Variants in KANK1 observed in about 807,000 individuals in gnomAD.
The protein encoded by KANK1 is KN motif and ankyrin repeat domain-containing protein 1.
In KANK1, 109 loss-of-function variants were observed where a neutral mutation model predicts 106.2. The observed-to-expected ratio is 1.03, with a 90% CI of 0.88 to 1.20. The LOEUF (loss-of-function observed/expected upper bound fraction) is 1.20, where lower values mean the gene tolerates loss of function less well. KANK1 is among the 50% of genes most tolerant of loss of function. The probability of loss-of-function intolerance (pLI) is 0.00; values close to 1 mark genes in which losing one functional copy is unlikely to be tolerated. For missense variants in KANK1, 2,399 were observed against 1,710.7 expected (o/e 1.40, Z -7.10); for synonymous variants, 873 against 652.2 (o/e 1.34, Z -5.16).
At chr9:598,996 G>T (rs1827025699) in intron 1 of KANK1, among the ~76,000 whole-genome samples, 1 of 147,432 alleles carries the variant, frequency 6.8e-6, no homozygotes, top group African/African-American at 2.5e-5. Flanking sequence ...TTTACTTTAT[G>T]AATGATTTGT....
chr9:726,685 C>T (rs1830743308), intron 3 of KANK1, among the ~76,000 whole-genome samples: 2 of 152,028 alleles, frequency 1.3e-5, no homozygotes, highest in South Asian at 2.1e-4. Flanking sequence ...TAAGGCCAGG[C>T]GTGGTGGCTC....
chr9:552,657 A>C (rs1209542096), intron 1 of KANK1, among the ~76,000 whole-genome samples: 2 of 152,202 alleles, frequency 1.3e-5, no homozygotes, highest in African/African-American at 4.8e-5. Context: ...TAATTCATCA[A>C]ATCACATTCT....
chr9:519,061 T>C (rs1427464702), intron 1 of KANK1, among the ~76,000 whole-genome samples: 1 of 151,550 alleles, frequency 6.6e-6, no homozygotes, highest in Non-Finnish European at 1.5e-5. Context: ...TGACTAATTT[T>C]GTATGTTTAA....
At chr9:665,981 G>T in intron 1 of KANK1, among the ~76,000 whole-genome samples, 1 of 151,986 alleles carries the variant, frequency 6.6e-6, no homozygotes, top group East Asian at 1.9e-4. Context: ...GGAGTTTGAG[G>T]CCAGCCTGGG....
intron 1 of KANK1, among the ~76,000 whole-genome samples, chr9:662,125 T>G (rs922213310): frequency 2.0e-5 from 3 of 152,108 alleles, no homozygotes; most frequent in Non-Finnish European, 4.4e-5. Flanking sequence ...ACAAGGGATG[T>G]GAAGGACCTC....
Position 646,973 on chromosome 9 carries a change from C to T in KANK1, c.-83-29917C>T, listed in dbSNP as rs561639245. On this transcript the variant is annotated intron_variant, in intron 1 of 11. Transcript: ENST00000382297. ...TCAGCCTCCCAAAGTATTGGGATTA[C>T]CGGCGTGAGCTACTATGCACACCCC... is the stretch of plus-strand genomic sequence containing the variant. Among the ~76,000 whole-genome samples the T allele has an allele frequency of 2.5e-4, 38 of 150,992 alleles. 1 individual carries two copies. The Middle Eastern group carries it at 0.01, about 41-fold the overall frequency.
intron 3 of KANK1, chr9:476,584 AC>A (rs759755880): frequency 1.3e-5 from 2 of 151,692 alleles, no homozygotes; most frequent in African/African-American, 4.8e-5. Context: ...GGGAAACCAA[AC>A]CCCCTGCTTC....
chr9:568,309 C>G (rs2134694287), intron 1 of KANK1, among the ~76,000 whole-genome samples: 1 of 152,266 alleles, frequency 6.6e-6, no homozygotes, highest in South Asian at 2.1e-4. Context: ...CAGTTTTCAA[C>G]CTAACTTTAT....
intron 1 of KANK1, among the ~76,000 whole-genome samples, chr9:598,937 T>TAAAATAA (rs2135785572): frequency 6.6e-6 from 1 of 150,590 alleles, no homozygotes; most frequent in East Asian, 1.9e-4. Flanking sequence ...CGGCCATCCC[T>TAAAATAA]AGGTATTTTA....
intron 1 of KANK1, among the ~76,000 whole-genome samples, chr9:638,999 A>G (rs902440488): frequency 2.6e-5 from 4 of 152,190 alleles, no homozygotes; most frequent in Non-Finnish European, 5.9e-5. Flanking sequence ...TCAGTGATCT[A>G]GAAGCTTCAT....
chr9:700,089 G>C (rs540982903), intron 2 of KANK1, among the ~76,000 whole-genome samples: 2 of 152,310 alleles, frequency 1.3e-5, no homozygotes, highest in Admixed American at 6.5e-5. Flanking sequence ...AGCATTTCAG[G>C]CTTCTTAGAA....
intron 1 of KANK1, among the ~76,000 whole-genome samples, chr9:668,199 G>A (rs1343590438): frequency 6.6e-6 from 1 of 152,180 alleles, no homozygotes; most frequent in East Asian, 1.9e-4. Flanking sequence ...CTGAATAGTT[G>A]AGTGAAGTGT....
chr9:538,562 T>C (rs2060426428), intron 1 of KANK1, among the ~76,000 whole-genome samples: 1 of 152,228 alleles, frequency 6.6e-6, no homozygotes. Flanking sequence ...GGAACAGTCC[T>C]AACTTAATTA....
intron 1 of KANK1, among the ~76,000 whole-genome samples, chr9:592,197 T>G (rs1332534601): frequency 2.6e-5 from 4 of 151,808 alleles, no homozygotes; most frequent in African/African-American, 9.7e-5. Context: ...CCAAATTCTC[T>G]TACCTGGAGC....
intron 3 of KANK1, among the ~76,000 whole-genome samples, chr9:480,628 C>G (rs1271918661): frequency 6.6e-6 from 1 of 152,178 alleles, no homozygotes; most frequent in Non-Finnish European, 1.5e-5. Context: ...GTAGATGACT[C>G]TAAGTTATGA....
At chr9:654,327 G>C (rs925217555) in intron 1 of KANK1, among the ~76,000 whole-genome samples, 21 of 152,138 alleles carry the variant, frequency 1.4e-4, no homozygotes, top group African/African-American at 4.6e-4. Context: ...TCCAAATTTT[G>C]CTGAAGACAA....
chr9:695,781 A>G (rs1375531931), intron 2 of KANK1, among the ~76,000 whole-genome samples: 1 of 152,126 alleles, frequency 6.6e-6, no homozygotes, highest in Non-Finnish European at 1.5e-5. Context: ...ATTTTCTCAA[A>G]CAATTGGAAT....
intron 1 of KANK1, among the ~76,000 whole-genome samples, chr9:553,623 A>G (rs1587750896): frequency 6.6e-6 from 1 of 152,196 alleles, no homozygotes; most frequent in East Asian, 1.9e-4. Flanking sequence ...GAGCAATGTA[A>G]TGAAGCGTTT....
chr9:670,970 T>G (rs1563960964), intron 1 of KANK1, among the ~76,000 whole-genome samples: 3 of 147,324 alleles, frequency 2.0e-5, no homozygotes, highest in East Asian at 2.1e-4. Context: ...TTTTTTTTTT[T>G]TTTTTTTTAC....
Sources: gnomAD v4.1 joint callset for allele counts (sites outside exome capture counted in the v4.1 genomes callset) on GRCh38, gnomAD v4.1.1 for gene constraint, MANE v1.5 for transcripts, NCBI Gene and HGNC (gene_info 2026-07-23, HGNC 2026-07-21) for gene names.